The following RBFOX1 variants were observed in gnomAD, a reference collection of about 807,000 sequenced individuals.
RBFOX1 encodes the protein RNA binding protein fox-1 homolog 1.
In RBFOX1, 8 loss-of-function variants were observed where a neutral mutation model predicts 57.7. The observed-to-expected ratio is 0.14, with a 90% CI of 0.08 to 0.25. The LOEUF (loss-of-function observed/expected upper bound fraction) is 0.25. Ranked by LOEUF, RBFOX1 falls within the 10% of genes least tolerant of loss-of-function variation. The pLI is 1.00. For synonymous variants in RBFOX1, 326 were observed against 222.4 expected (o/e 1.47, Z -4.15); for missense variants, 611 against 548.5 (o/e 1.11, Z -1.14).
rs77430406 is a variant in RBFOX1, at chr16:6,893,352, G to A, written c.-15-158705G>A. On this transcript the variant is annotated intron_variant, in intron 3 of 15. Coordinates refer to ENST00000550418, the MANE Select transcript of RBFOX1 (RefSeq NM_018723.4). ...TCATATAGGTCATCTAAAAATACAC[G>A]ATCAAGTCACAAAAGCACAAGATAA... 4.5e-3 allele frequency among the ~76,000 whole-genome samples: 684 copies of A among 152,222 alleles called. 12 individuals are homozygous for A. The East Asian group carries it at 0.051, about 11-fold the overall frequency.
At chr16:6,241,270 A>G (rs2097538818) in intron 1 of RBFOX1, among the ~76,000 whole-genome samples, 1 of 152,200 alleles carries the variant, frequency 6.6e-6, no homozygotes, top group Non-Finnish European at 1.5e-5. Flanking sequence ...CAAAAAATGA[A>G]TCTGGCCTAT....
chr16:7,140,156 C>G (rs533729929), intron 4 of RBFOX1, among the ~76,000 whole-genome samples: 72 of 119,844 alleles, frequency 6.0e-4, no homozygotes, highest in Non-Finnish European at 1.0e-3. Flanking sequence ...CTCCTTCTCT[C>G]CCTCTCTCTC....
intron 2 of RBFOX1, among the ~76,000 whole-genome samples, chr16:6,491,665 C>T (rs1460602082): frequency 6.6e-6 from 1 of 152,140 alleles, no homozygotes; most frequent in South Asian, 2.1e-4. Context: ...CTGAATATTT[C>T]CAGCAGCCCT....
chr16:6,495,181 G>A (rs985602370), intron 2 of RBFOX1, among the ~76,000 whole-genome samples: 4 of 152,012 alleles, frequency 2.6e-5, no homozygotes, highest in African/African-American at 9.7e-5. Context: ...TGAAGTGGTG[G>A]AATCTCGGCT....
At chr16:5,532,574 A>G (rs537229369) in intron 2 of RBFOX1, among the ~76,000 whole-genome samples, 5 of 152,340 alleles carry the variant, frequency 3.3e-5, no homozygotes, top group Admixed American at 1.3e-4. Flanking sequence ...AGTACAGCAC[A>G]GAGCAGCACT....
At chr16:5,579,846 G>A (rs537600980) in intron 2 of RBFOX1, among the ~76,000 whole-genome samples, 8 of 150,894 alleles carry the variant, frequency 5.3e-5, no homozygotes, top group Non-Finnish European at 7.4e-5. Flanking sequence ...TGCAACCTCC[G>A]CCTCCCGGGT....
intron 3 of RBFOX1, among the ~76,000 whole-genome samples, chr16:5,731,828 T>G (rs1012419220): frequency 1.3e-5 from 2 of 152,206 alleles, no homozygotes. Flanking sequence ...GTTTCTAATA[T>G]GTGTCTTTCT....
intron 3 of RBFOX1, among the ~76,000 whole-genome samples, chr16:6,893,705 T>A (rs2153383837): frequency 6.6e-6 from 1 of 152,338 alleles, no homozygotes; most frequent in East Asian, 1.9e-4. Flanking sequence ...CTAAAATATC[T>A]TTTCAGTGTA....
chr16:7,501,122 T>C (rs2070691505), intron 4 of RBFOX1, among the ~76,000 whole-genome samples: 1 of 152,222 alleles, frequency 6.6e-6, no homozygotes, highest in Admixed American at 6.5e-5. Flanking sequence ...ATGTCTTTAC[T>C]TGCAGTGTGA....
intron 3 of RBFOX1, among the ~76,000 whole-genome samples, chr16:6,658,785 C>T (rs1364421077): frequency 2.0e-5 from 3 of 152,134 alleles, no homozygotes; most frequent in Non-Finnish European, 2.9e-5. Context: ...AGCAGAGCCC[C>T]TATGAATGTA....
intron 1 of RBFOX1, among the ~76,000 whole-genome samples, chr16:5,402,038 G>T (rs2066730952): frequency 6.6e-6 from 1 of 152,198 alleles, no homozygotes; most frequent in Admixed American, 6.5e-5. Flanking sequence ...GGGTGTGGGA[G>T]AGGAGTGTGC....
intron 2 of RBFOX1, among the ~76,000 whole-genome samples, chr16:5,574,750 G>C (rs1161977317): frequency 2.6e-5 from 4 of 152,088 alleles, no homozygotes; most frequent in Non-Finnish European, 5.9e-5. Flanking sequence ...GTTTTAGTCT[G>C]TGCATCTCTG....
intron 2 of RBFOX1, among the ~76,000 whole-genome samples, chr16:6,592,641 A>G (rs971828705): frequency 1.3e-5 from 2 of 152,202 alleles, no homozygotes; most frequent in African/African-American, 2.4e-5. Context: ...AAGTTCTGCT[A>G]CTAAGTAATG....
chr16:7,506,314 A>G (rs545215264), intron 4 of RBFOX1, among the ~76,000 whole-genome samples: 40 of 152,134 alleles, frequency 2.6e-4, no homozygotes, highest in Non-Finnish European at 5.1e-4. Flanking sequence ...AGAATATACA[A>G]TGTAGGATTC....
intron 3 of RBFOX1, among the ~76,000 whole-genome samples, chr16:6,787,678 A>T (rs1055820845): frequency 2.6e-5 from 4 of 152,170 alleles, no homozygotes; most frequent in African/African-American, 9.7e-5. Context: ...TGCATCCCTG[A>T]GTGATTCATG....
intron 3 of RBFOX1, among the ~76,000 whole-genome samples, chr16:6,834,354 G>A (rs185865760): frequency 8.9e-4 from 136 of 152,246 alleles, no homozygotes; most frequent in African/African-American, 3.1e-3. Flanking sequence ...TGGGATTGCA[G>A]GCATGAGGCA....
intron 4 of RBFOX1, among the ~76,000 whole-genome samples, chr16:7,256,207 C>T (rs959331354): frequency 1.3e-5 from 2 of 152,172 alleles, no homozygotes; most frequent in African/African-American, 2.4e-5. Context: ...ATGAGGTTGG[C>T]TCTCCTCTTT....
At chr16:5,668,250 C>T (rs1443586857) in intron 3 of RBFOX1, among the ~76,000 whole-genome samples, 3 of 152,138 alleles carry the variant, frequency 2.0e-5, no homozygotes, top group African/African-American at 7.2e-5. Context: ...CACTGCACTC[C>T]AGCCTGGGCA....
chr16:6,541,273 A>C (rs1229374206), intron 2 of RBFOX1, among the ~76,000 whole-genome samples: 1 of 152,226 alleles, frequency 6.6e-6, no homozygotes, highest in African/African-American at 2.4e-5. Context: ...GAACTTTGAC[A>C]TGAAGATATT....
Sources: allele counts gnomAD v4.1 joint callset (sites outside exome capture counted in the v4.1 genomes callset), GRCh38; gene constraint gnomAD v4.1.1; transcripts MANE v1.5; gene names NCBI Gene and HGNC (gene_info 2026-07-23, HGNC 2026-07-21).